NPY2R: variants seen among roughly 807,000 people sequenced by gnomAD.
The protein encoded by NPY2R is neuropeptide Y receptor Y2.
In NPY2R, 17 loss-of-function variants were observed where a neutral mutation model predicts 22.3. The observed-to-expected ratio is 0.76, with a 90% CI of 0.52 to 1.14. The LOEUF is 1.14. Among genes scored for constraint, NPY2R ranks in the 50% most tolerant of loss-of-function variants. The pLI is 0.00. For missense variants in NPY2R, 424 were observed against 467.9 expected, an observed-to-expected ratio of 0.91 and a Z score of 0.87; for synonymous variants, 209 against 183.4, an observed-to-expected ratio of 1.14 and a Z score of -1.13.
In NPY2R at chr4:155,214,181, T is replaced by C. The variant is rs1729461478; in HGVS notation, c.242T>C (p.Met81Thr). 1.2e-6 allele frequency: 2 copies of C among 1,614,126 alleles called. No individual in the cohort carries two copies. The highest frequency in any genetic ancestry group is 8.5e-7 in the Non-Finnish European group (1 of 1,179,978). Residue 81 changes from methionine (M) to threonine (T), a missense_variant, in exon 2 of 2, where the codon ATG (methionine) becomes ACG (threonine). Physicochemically the swap from Met to Thr is moderately conservative, Grantham distance 81. Coordinates refer to ENST00000329476, the MANE Select transcript of NPY2R (RefSeq NM_000910.4). ...CATGTGGTGATCAAATTCAAGAGCA[T>C]GCGCACAGTAACCAACTTTTTCATT... The part of the protein sequence containing the change: ...VIHVVIKFKS[M>T]RTVTNFFIAN...
At chr4:155,180,110 G>C in the NPY2R span, among the ~76,000 whole-genome samples, 19 of 150,304 alleles carry the variant, frequency 1.3e-4, no homozygotes, top group Middle Eastern at 3.4e-3. Context: ...TCTTAAGATG[G>C]GGTCTTGCCA....
the NPY2R span, among the ~76,000 whole-genome samples, chr4:155,201,848 T>A: frequency 3.3e-5 from 5 of 152,272 alleles, no homozygotes; most frequent in African/African-American, 1.2e-4. Flanking sequence ...TATGGCTTTA[T>A]AGCACAGCAG....
chr4:155,192,839 G>A, the NPY2R span, among the ~76,000 whole-genome samples: 2 of 151,938 alleles, frequency 1.3e-5, no homozygotes, highest in African/African-American at 4.8e-5. Flanking sequence ...GTGAGGAAGA[G>A]GAGAAGGAAT....
At chr4:155,181,081 C>G in the NPY2R span, among the ~76,000 whole-genome samples, 7 of 152,050 alleles carry the variant, frequency 4.6e-5, no homozygotes, top group Admixed American at 2.6e-4. Flanking sequence ...TGCAAACATA[C>G]TTTGTACTTT....
In NPY2R at chr4:155,214,051, C is replaced by A. The variant is rs2111044652; in HGVS notation, c.112C>A (p.Pro38Thr). 1.2e-6 allele frequency: 2 copies of A among 1,613,718 alleles called. No homozygotes were observed. The highest frequency in any genetic ancestry group is 1.7e-6 in the Non-Finnish European group (2 of 1,179,700). The part of the protein sequence containing the change: ...PRGELVPDPE[P>T]ELIDSTKLIE... ...AGGTGAACTGGTCCCTGACCCTGAG[C>A]CAGAGCTTATAGATAGTACCAAGCT... Residue 38 changes from proline to threonine, a missense_variant, in exon 2 of 2, where the codon CCA (proline) becomes ACA (threonine). Physicochemically the swap from Pro to Thr is conservative, Grantham distance 38. Transcript: ENST00000329476.
chr4:155,205,332 A>C (rs1425887115), upstream of NPY2R, among the ~76,000 whole-genome samples: 4 of 152,210 alleles, frequency 2.6e-5, no homozygotes. Flanking sequence ...TTTTACAATG[A>C]TTATAATTTT....
chr4:155,185,179 A>C, the NPY2R span, among the ~76,000 whole-genome samples: 1 of 151,632 alleles, frequency 6.6e-6, no homozygotes. Context: ...AGATGGGACC[A>C]CAGGCGCCTG....
rs1415001570 is a variant in NPY2R, at chr4:155,214,610, T to C, written c.671T>C (p.Leu224Ser). The C allele has an allele frequency of 3.1e-6, 5 of 1,614,226 alleles. No individual in the cohort carries two copies. The Admixed American group carries it at 8.3e-5, about 27-fold the overall frequency. Residue 224 changes from leucine to serine, a missense_variant, in exon 2 of 2, where the codon TTG (leucine) becomes TCG (serine). Coordinates refer to ENST00000329476, the MANE Select transcript of NPY2R (RefSeq NM_000910.4). ...IYGTVYSLSSLLILYVLPLGI... is the reference protein window; with the variant it reads ...IYGTVYSLSSSLILYVLPLGI... ...GGCACTGTCTATAGTCTTTCTTCCT[T>C]GTTGATCTTGTATGTTTTGCCTCTG...
chr4:155,200,182 G>A, the NPY2R span, among the ~76,000 whole-genome samples: 1 of 152,038 alleles, frequency 6.6e-6, no homozygotes, highest in Non-Finnish European at 1.5e-5. Flanking sequence ...ATAAAGAAGT[G>A]GGCAAAGGAT....
the NPY2R span, among the ~76,000 whole-genome samples, chr4:155,174,662 T>C: frequency 6.6e-6 from 1 of 151,712 alleles, no homozygotes; most frequent in African/African-American, 2.4e-5. Flanking sequence ...GGGAAGATAG[T>C]TCTTTTCCAT....
chr4:155,205,633 TG>T (rs1198805999), upstream of NPY2R, among the ~76,000 whole-genome samples: 3 of 152,334 alleles, frequency 2.0e-5, no homozygotes, highest in African/African-American at 7.2e-5. Context: ...ATTACTTATT[TG>T]GCAACTAATC....
At chr4:155,192,442 C>A in the NPY2R span, among the ~76,000 whole-genome samples, 1 of 151,826 alleles carries the variant, frequency 6.6e-6, no homozygotes, top group South Asian at 2.1e-4. Flanking sequence ...CCATTCTAAT[C>A]ATTGCACAGG....
chr4:155,190,071 A>T, the NPY2R span, among the ~76,000 whole-genome samples: 1 of 152,074 alleles, frequency 6.6e-6, no homozygotes, highest in African/African-American at 2.4e-5. Context: ...GAGAAAATGC[A>T]GCTCAGGCCC....
At chr4:155,176,456 C>G in the NPY2R span, among the ~76,000 whole-genome samples, 1 of 152,146 alleles carries the variant, frequency 6.6e-6, no homozygotes, top group East Asian at 1.9e-4. Flanking sequence ...AATGATCATA[C>G]AGCCTTGTTT....
At position 155,214,828 on chromosome 4, in the gene NPY2R, G is replaced by A. The variant is rs1298917755; in HGVS notation, c.889G>A (p.Val297Ile). ...FQLAVDIDSQ[V>I]LDLKEYKLIF... is the part of the protein sequence containing the mutation. ...GCTTGCCGTTGACATTGACAGCCAG[G>A]TCCTGGACCTGAAGGAGTACAAACT... Residue 297 changes from valine to isoleucine, a missense_variant, in exon 2 of 2, where the codon GTC becomes ATC. Transcript: ENST00000329476. 1.9e-6 allele frequency: 3 copies of A among 1,611,374 alleles called. No homozygotes were observed. Among genetic ancestry groups the A allele is most frequent in the African/African-American group, 1.3e-5 (1 of 74,884 alleles).
At position 155,214,728 on chromosome 4, in the gene NPY2R, G is replaced by A. The variant is rs1729478241; in HGVS notation, c.789G>A (p.Arg263=). ...GAANDHYHQR[R]QKTTKMLVCV... ...CAAATGACCACTACCATCAGCGAAG[G>A]CAAAAAACCACCAAAATGCTGGTGT... is the stretch of plus-strand genomic sequence containing the variant. Residue 263 remains arginine, a synonymous_variant, in exon 2 of 2, where the codon AGG becomes AGA. Transcript: ENST00000329476. The A allele has an allele frequency of 3.1e-6, 5 of 1,614,176 alleles. No individual in the cohort carries two copies. Among genetic ancestry groups the A allele is most frequent in the Middle Eastern group, 1.6e-4 (1 of 6,062 alleles).
intron 1 of NPY2R, among the ~76,000 whole-genome samples, chr4:155,209,554 CA>C (rs1275294937): frequency 1.1e-4 from 17 of 152,320 alleles, no homozygotes; most frequent in African/African-American, 4.1e-4. Flanking sequence ...ATTTAAAATT[CA>C]GTGACATGAA....
the NPY2R span, among the ~76,000 whole-genome samples, chr4:155,180,020 T>G: frequency 1.2e-3 from 180 of 152,078 alleles, 1 homozygote; most frequent in Non-Finnish European, 4.4e-4. Context: ...TTTGTTTTTT[T>G]TTTTTCATTG....
chr4:155,173,897 C>G, the NPY2R span: 1 of 151,960 alleles, frequency 6.6e-6, no homozygotes, highest in South Asian at 2.1e-4. Flanking sequence ...TTTTATTTCT[C>G]CTGCAGTCTA....
Sources: gnomAD v4.1 joint callset for allele counts (sites outside exome capture counted in the v4.1 genomes callset) on GRCh38, gnomAD v4.1.1 for gene constraint, MANE v1.5 for transcripts, NCBI Gene and HGNC (gene_info 2026-07-23, HGNC 2026-07-21) for gene names.